The following USP50 variants were observed in gnomAD, a reference collection of about 807,000 sequenced individuals.
USP50 encodes the protein ubiquitin carboxyl-terminal hydrolase 50.
Under a neutral mutation model 39.2 loss-of-function variants are expected in USP50, and 37 were observed. The observed-to-expected ratio is 0.94, with a 90% CI of 0.73 to 1.24. The LOEUF (loss-of-function observed/expected upper bound fraction) is 1.24. Ranked by LOEUF, USP50 falls within the 50% of genes most tolerant of loss-of-function variation. The probability of loss-of-function intolerance (pLI) is 0.00; values close to 1 mark genes in which losing one functional copy is unlikely to be tolerated. For missense variants in USP50, 374 were observed against 398.2 expected, an observed-to-expected ratio of 0.94 and a Z score of 0.52; for synonymous variants, 139 against 144.5, an observed-to-expected ratio of 0.96 and a Z score of 0.27.
At chr15:50,510,028 TAAG>T (rs2052716875) in intron 6 of USP50, 1 of 152,072 alleles carries the variant, frequency 6.6e-6, no homozygotes, top group Non-Finnish European at 1.5e-5. Flanking sequence ...TAAGCTAAAT[TAAG>T]AATTAATTCA....
At chr15:50,525,664 G>A (rs1004110436) in intron 6 of USP50, among the ~76,000 whole-genome samples, 36 of 44,898 alleles carry the variant, frequency 8.0e-4, no homozygotes, top group Admixed American at 1.4e-3. Context: ...ATGTATATAT[G>A]TATATGTATA....
rs528552692 is a variant in USP50 at position 50,520,500 on chromosome 15, A to G, written c.936+9297T>C. Among the ~76,000 whole-genome samples the G allele has an allele frequency of 6.5e-3, 989 of 151,894 alleles. 8 individuals carry two copies. The highest frequency in any genetic ancestry group is 0.01 in the Non-Finnish European group (680 of 67,960). On this transcript the variant is annotated intron_variant, in intron 6 of 6. Coordinates refer to ENST00000532404, the MANE Select transcript of USP50 (RefSeq NM_203494.5). The stretch of plus-strand genomic sequence containing the variant: ...TTTTTTGTAGAGACGGGGTGTCACT[A>G]TGTTGCTCAGGCTGGTCTCAAACTC...
chr15:50,525,538 GTA>G (rs200088059), intron 6 of USP50, among the ~76,000 whole-genome samples: 24,686 of 108,072 alleles, frequency 0.23, 2,491 homozygotes, highest in Admixed American at 0.33. Flanking sequence ...ATATGTATAT[GTA>G]TATATGTATA....
intron 6 of USP50, chr15:50,505,433 AGAAT>A (rs1276882581): frequency 6.6e-6 from 1 of 152,234 alleles, no homozygotes; most frequent in Non-Finnish European, 1.5e-5. Context: ...TTATCATCCA[AGAAT>A]GAAAGTGAAT....
At chr15:50,503,264 G>C (rs2052615626) in intron 6 of USP50, 1 of 152,410 alleles carries the variant, frequency 6.6e-6, no homozygotes, top group African/African-American at 2.4e-5. Flanking sequence ...AGAATCATTT[G>C]AACCTGGGAG....
chr15:50,513,882 A>C (rs184907141), intron 6 of USP50: 1 of 152,320 alleles, frequency 6.6e-6, no homozygotes, highest in East Asian at 1.9e-4. Flanking sequence ...AGCCAGACAT[A>C]TGCGTATTTC....
intron 5 of USP50, among the ~76,000 whole-genome samples, chr15:50,537,416 A>G (rs2052988145): frequency 6.6e-6 from 1 of 152,164 alleles, no homozygotes; most frequent in Non-Finnish European, 1.5e-5. Context: ...CTACAACACG[A>G]AAGGCCTGCT....
At chr15:50,514,937 A>C (rs1181742387) in intron 6 of USP50, among the ~76,000 whole-genome samples, 1 of 150,132 alleles carries the variant, frequency 6.7e-6, no homozygotes, top group Non-Finnish European at 1.5e-5. Flanking sequence ...TGGAGGTTGC[A>C]ATGAGCCGAG....
downstream of USP50, chr15:50,498,875 A>AC: frequency 6.4e-7 from 1 of 1,560,976 alleles, no homozygotes; most frequent in Non-Finnish European, 8.7e-7. Context: ...AACTGAATTG[A>AC]TTTTTTTTTC....
At chr15:50,495,389 A>G (rs2052352545) in intron 1 of USP50, among the ~76,000 whole-genome samples, 2 of 151,662 alleles carry the variant, frequency 1.3e-5, no homozygotes, top group Admixed American at 6.6e-5. Flanking sequence ...CAACAAAATT[A>G]TATATGTCCA....
chr15:50,507,511 A>G (rs761122465), intron 6 of USP50: 3 of 152,164 alleles, frequency 2.0e-5, no homozygotes, highest in Non-Finnish European at 2.9e-5. Flanking sequence ...GATAGAATGC[A>G]TTGTAAATGA....
At position 50,521,151 on chromosome 15, in the gene USP50, C is replaced by T. The variant is rs186000030; in HGVS notation, c.936+8646G>A. 4.0e-3 allele frequency among the ~76,000 whole-genome samples: 611 copies of T among 152,266 alleles called. 5 individuals are homozygous for T. The highest frequency in any genetic ancestry group is 0.014 in the African/African-American group (576 of 41,566). ...CCACCTCCCTGGTGCAAGTGATACT[C>T]GTGCCTCAGCCTCCCGAGTAGCTGG... is the stretch of plus-strand genomic sequence containing the variant. On this transcript the variant is annotated intron_variant, in intron 6 of 6. Coordinates refer to ENST00000532404, the MANE Select transcript of USP50 (RefSeq NM_203494.5).
chr15:50,501,889 T>A (rs914225018), intron 6 of USP50: 7 of 152,192 alleles, frequency 4.6e-5, no homozygotes, highest in Non-Finnish European at 8.8e-5. Context: ...GTGAAAATTT[T>A]ATGAAATTCA....
At chr15:50,531,820 C>A (rs183433410) in intron 5 of USP50, among the ~76,000 whole-genome samples, 2 of 152,230 alleles carry the variant, frequency 1.3e-5, no homozygotes, top group East Asian at 3.9e-4. Context: ...TTTGAAGTCA[C>A]CATTCTGTCC....
At chr15:50,536,688 C>T (rs1244245165) in intron 5 of USP50, among the ~76,000 whole-genome samples, 1 of 151,782 alleles carries the variant, frequency 6.6e-6, no homozygotes, top group Non-Finnish European at 1.5e-5. Context: ...AAACACAATA[C>T]CATTCACATT....
At chr15:50,497,458 A>C (rs2052460711), downstream of USP50, 2 of 366,110 alleles carry the variant, frequency 5.5e-6, no homozygotes, top group East Asian at 8.6e-5. Context: ...AATTCCTTAT[A>C]ATTTTAAATA....
At position 50,514,617 on chromosome 15, in the gene USP50, C is replaced by T. The variant is rs192284719; in HGVS notation, c.937-13780G>A. On this transcript the variant is annotated intron_variant, in intron 6 of 6. Transcript: ENST00000532404. ...CGCGATCTCGGCTCACTGCAACCTC[C>T]GCCTCCTGGGTTCAAGTGATTCTTC... Among the ~76,000 whole-genome samples, 23 of 152,022 alleles carry T rather than the reference C, an allele frequency of 1.5e-4. No individual in the cohort carries two copies. In the East Asian group the frequency reaches 1.9e-3, roughly 13 times the overall value.
At chr15:50,530,291 AG>A (rs1449155324) in intron 5 of USP50, among the ~76,000 whole-genome samples, 2 of 151,534 alleles carry the variant, frequency 1.3e-5, no homozygotes, top group African/African-American at 4.9e-5. Flanking sequence ...TCTAAAAAAA[AG>A]GAACTTCTGG....
At chr15:50,515,200 GAA>G (rs1477933385) in intron 6 of USP50, among the ~76,000 whole-genome samples, 1 of 151,902 alleles carries the variant, frequency 6.6e-6, no homozygotes, top group African/African-American at 2.4e-5. Flanking sequence ...CTGTGCCAGA[GAA>G]AAGAGTGACA....
Sources: gnomAD v4.1 joint callset for allele counts (sites outside exome capture counted in the v4.1 genomes callset) on GRCh38, gnomAD v4.1.1 for gene constraint, MANE v1.5 for transcripts, NCBI Gene and HGNC (gene_info 2026-07-23, HGNC 2026-07-21) for gene names.